The following ADAM8 variants were observed in gnomAD, a reference collection of about 807,000 sequenced individuals.
ADAM8 encodes the protein ADAM metallopeptidase domain 8, also known as disintegrin and metalloproteinase domain-containing protein 8.
A neutral mutation model predicts 102.4 loss-of-function variants in ADAM8; 104 were observed. The ratio of observed to expected loss-of-function variants is 1.02; its 90% CI spans 0.87 to 1.20. The LOEUF (loss-of-function observed/expected upper bound fraction) is 1.20, where lower values mean the gene tolerates loss of function less well. ADAM8 is among the 50% of genes most tolerant of loss of function. ADAM8 has a pLI of 0.00. For missense variants in ADAM8, 1,132 were observed against 1,159.0 expected (o/e 0.98, Z 0.34); for synonymous variants, 517 against 485.2 (o/e 1.07, Z -0.86).
intron 21 of ADAM8, among the ~76,000 whole-genome samples, chr10:133,266,363 T>C (rs985994253): frequency 1.3e-5 from 2 of 152,166 alleles, no homozygotes; most frequent in African/African-American, 4.8e-5. Flanking sequence ...CAGGATTCTC[T>C]AGGCTATTTT....
intron 19 of ADAM8, 77 bp downstream of exon 19, chr10:133,268,671 T>TGCTGGGCACTCCTTCCTCTGGCA: frequency 1.4e-6 from 2 of 1,477,118 alleles, no homozygotes; most frequent in Non-Finnish European, 1.8e-6. Flanking sequence ...CATGGGCCCG[T>TGCTGGGCACTCCTTCCTCTGGCA]GCTGGGCACT....
chr10:133,266,257 G>A (rs1295040274), intron 21 of ADAM8, among the ~76,000 whole-genome samples: 1 of 152,138 alleles, frequency 6.6e-6, no homozygotes, highest in Non-Finnish European at 1.5e-5. Flanking sequence ...CGTCCAGAGG[G>A]AGCAGGCGGT....
rs1335381018 is a variant in ADAM8, at chr10:133,268,809, C to G, written c.2002G>C (p.Val668Leu). The G allele has an allele frequency of 1.2e-5, 19 of 1,610,560 alleles. No individual in the cohort carries two copies. Among genetic ancestry groups the G allele is most frequent in the Admixed American group, 5.0e-5 (3 of 59,992 alleles). Residue 668 changes from valine (V) to leucine (L), a missense_variant, in exon 19 of 23, where the codon GTG (valine) becomes CTG (leucine). Val to Leu is a conservative substitution (Grantham distance 32). Coordinates refer to ENST00000445355, the MANE Select transcript of ADAM8 (RefSeq NM_001109.5). Reference protein sequence around the residue: ...VVVVLVLLAVVLVTLAGIIVY... With the variant: ...VVVVLVLLAVLLVTLAGIIVY... ...ATGATGCCTGCCAGGGTGACCAGCA[C>G]AACTGCCAGGAGCACCAGAACCACC...
At chr10:133,266,279 C>T (rs1008768453) in intron 21 of ADAM8, among the ~76,000 whole-genome samples, 3 of 152,240 alleles carry the variant, frequency 2.0e-5, no homozygotes, top group East Asian at 3.9e-4. Context: ...CTGACTGGGT[C>T]GCATTGGTGA....
rs368815806 is a variant in ADAM8, at chr10:133,270,444, G to C, written c.1701C>G (p.Ile567Met). Residue 567 changes from isoleucine to methionine, a missense_variant, in exon 16 of 23, where the codon ATC becomes ATG. By Grantham distance (10) the Ile-to-Met change is conservative. Transcript: ENST00000445355. ...GQQPLGRAICIVDVCHALTTE... is the reference protein window; with the variant it reads ...GQQPLGRAICMVDVCHALTTE... Reference sequence around the variant, plus strand: ...TGGTGAGCGCGTGGCACACATCCACGATGCAGATGGCACGCCCCAGGGGCT... The same window carrying C: ...TGGTGAGCGCGTGGCACACATCCACCATGCAGATGGCACGCCCCAGGGGCT... 1.2e-6 allele frequency: 2 copies of C among 1,606,190 alleles called. No homozygotes were observed.
intron 18 of ADAM8, 31 bp downstream of exon 18, chr10:133,269,414 A>T (rs1354617680): frequency 6.7e-7 from 1 of 1,490,624 alleles, no homozygotes; most frequent in African/African-American, 1.4e-5. Flanking sequence ...CTTGGACCCC[A>T]GCCCCACCTG....
At chr10:133,263,609 A>AGCCCCGTGGGGAGGCC in intron 22 of ADAM8, 79 bp downstream of exon 22, 1 of 64,794 alleles carries the variant, frequency 1.5e-5, no homozygotes, top group Non-Finnish European at 2.4e-5. Context: ...CCTCCAGGGC[A>AGCCCCGTGGGGAGGCC]GTGCCACCGT....
intron 16 of ADAM8, 144 bp downstream of exon 16, chr10:133,270,216 C>A: frequency 8.2e-7 from 1 of 1,224,888 alleles, no homozygotes; most frequent in South Asian, 1.5e-5. Flanking sequence ...CCCCGGAAAC[C>A]TTTCAGTCTC....
chr10:133,269,670 G>C (rs377040348), intron 17 of ADAM8, 141 bp from the exon 18 acceptor site: 179 of 963,356 alleles, frequency 1.9e-4, no homozygotes, highest in Non-Finnish European at 2.6e-4. Context: ...CGACGGCGAG[G>C]CCTCTCCATG....
rs769181696 is a variant in ADAM8, at chr10:133,268,100, G to A, written c.2082C>T (p.Thr694=). 9 of 1,273,050 alleles carry A rather than the reference G, an allele frequency of 7.1e-6. No individual in the cohort carries two copies. In the South Asian group the frequency reaches 2.6e-4, roughly 37 times the overall value. The allele number at this position is 1,273,050 out of a possible 1,614,324, so 78.9% of individuals were successfully genotyped here. The part of the protein sequence containing the change: ...RILSRNVAPK[T]TMGRSNPLFH... ...ACAGGGGGTTGGAGCGCCCCATTGT[G>A]GTCTTGGGAGCCACGTTCCTGGGGA... Residue 694 remains threonine, a synonymous_variant, in exon 20 of 23, where the codon ACC becomes ACT. Transcript: ENST00000445355.
intron 21 of ADAM8, among the ~76,000 whole-genome samples, chr10:133,265,188 C>T: frequency 7.2e-6 from 1 of 139,846 alleles, no homozygotes; most frequent in Non-Finnish European, 1.5e-5. Flanking sequence ...CCACGCCCAG[C>T]TCCTGCTGCA....
At chr10:133,276,111 C>T (rs1846742156) in intron 1 of ADAM8, 1 of 154,978 alleles carries the variant, frequency 6.5e-6, no homozygotes. Flanking sequence ...GTTTCGGAGA[C>T]CACCAACCCC....
rs1442016740 is a variant in ADAM8, at chr10:133,275,500, G to A, written c.134C>T (p.Ala45Val). The change falls in exon 2 of 23, where the codon GCT (alanine) becomes GTT (valine). Residue 45 changes from alanine (A) to valine (V), a missense_variant. Transcript: ENST00000445355. ...WRLPGPRVRR[A>V]LPSHLGLHPE... ...TAGACTCACCAAGTGGGAGGGCAGAGCTCGGCGGACTCGGGGGCCTGGCAG... is the reference window on the plus strand; with the variant it reads ...TAGACTCACCAAGTGGGAGGGCAGAACTCGGCGGACTCGGGGGCCTGGCAG... The A allele has an allele frequency of 1.3e-6, 2 of 1,535,204 alleles. No individual in the cohort carries two copies. The highest frequency in any genetic ancestry group is 1.8e-6 in the Non-Finnish European group (2 of 1,141,194).
rs756699884 is a variant in ADAM8, at chr10:133,263,739, T to A, written c.2346A>T (p.Pro782=). 1 of 1,532,976 alleles carries A rather than the reference T, an allele frequency of 6.5e-7. No individual in the cohort carries two copies. Among genetic ancestry groups the A allele is most frequent in the East Asian group, 2.5e-5 (1 of 40,120 alleles). 95.0% of individuals were successfully genotyped at this position (1,532,976 alleles called of 1,614,324 possible). A position where few individuals can be genotyped will look rare whatever the true frequency, so the allele number is the denominator to read the frequency against. The change falls in exon 22 of 23, where the codon CCA becomes CCT. Residue 782 remains proline, a synonymous_variant. Transcript: ENST00000445355. ...CAGCCCCGGGTTTGACTGGGGGCAC[T>A]GGGGGTGCGAACGTTGGCTTGATGA... ...KQVIKPTFAP[P]VPPVKPGAGA...
At position 133,276,777 on chromosome 10, in the gene ADAM8, A is replaced by G; in HGVS notation, c.41T>C (p.Leu14Pro). The change falls in exon 1 of 23, where the codon CTG becomes CCG. Residue 14 changes from leucine (L) to proline (P), a missense_variant. Coordinates refer to ENST00000445355, the MANE Select transcript of ADAM8 (RefSeq NM_001109.5). ...GGTTCCCTGGAACCACTCACCAGGC[A>G]GCATCATCGCGCCCAGCAGCCAGAG... ...LGLWLLGAMM[L>P]PAIAPSRPWA... The G allele has an allele frequency of 6.5e-7, 1 of 1,534,028 alleles. No homozygotes were observed.
At chr10:133,273,637 G>T in intron 5 of ADAM8, 125 bp downstream of exon 5, 1 of 1,314,088 alleles carries the variant, frequency 7.6e-7, no homozygotes, top group Non-Finnish European at 1.0e-6. Flanking sequence ...AGACCCCCAT[G>T]CAAGACAGCA....
rs1211950491 is a variant in ADAM8, at chr10:133,276,765, C to A, written c.46+7G>T. ...TGCGCCCGGGACGGTTCCCTGGAAC[C>A]ACTCACCAGGCAGCATCATCGCGCC... On this transcript the variant is annotated splice_region_variant and intron_variant, in intron 1 of 22. Transcript: ENST00000445355. 4 of 1,533,936 alleles carry A rather than the reference C, an allele frequency of 2.6e-6. No homozygotes were observed. The highest frequency in any genetic ancestry group is 3.5e-6 in the Non-Finnish European group (4 of 1,142,632).
At position 133,271,567 on chromosome 10, in the gene ADAM8, A is replaced by C; in HGVS notation, c.1245T>G (p.Phe415Leu). The change falls in exon 12 of 23, where the codon TTT becomes TTG. Residue 415 changes from phenylalanine (F) to leucine (L), a missense_variant. Coordinates refer to ENST00000445355, the MANE Select transcript of ADAM8 (RefSeq NM_001109.5). ...AGTCGCACTGCTCCCCACGCTCCAC[A>C]AACAGGTTCCCACACACGGGGCCGC... Reference protein sequence around the residue: ...LVGGPVCGNLFVERGEQCDCG... With the variant: ...LVGGPVCGNLLVERGEQCDCG... 3 of 1,560,348 alleles carry C rather than the reference A, an allele frequency of 1.9e-6. No individual in the cohort carries two copies. The highest frequency in any genetic ancestry group is 2.6e-6 in the Non-Finnish European group (3 of 1,152,358).
rs61733287 is a variant in ADAM8, at chr10:133,263,747, C to T, written c.2338G>A (p.Ala780Thr). 3.8e-4 allele frequency: 600 copies of T among 1,569,702 alleles called. 1 individual carries two copies. In the African/African-American group the frequency reaches 7.1e-3, roughly 19 times the overall value. ...APKQVIKPTFAPPVPPVKPGA... is the reference protein window; with the variant it reads ...APKQVIKPTFTPPVPPVKPGA... ...GGTTTGACTGGGGGCACTGGGGGTG[C>T]GAACGTTGGCTTGATGACCTGGGAG... Residue 780 changes from alanine to threonine, a missense_variant, in exon 22 of 23, where the codon GCA becomes ACA. Ala to Thr is a moderately conservative substitution (Grantham distance 58). Coordinates refer to ENST00000445355, the MANE Select transcript of ADAM8 (RefSeq NM_001109.5).
Sources: gnomAD v4.1 joint callset for allele counts (sites outside exome capture counted in the v4.1 genomes callset) on GRCh38, gnomAD v4.1.1 for gene constraint, MANE v1.5 for transcripts, NCBI Gene and HGNC (gene_info 2026-07-23, HGNC 2026-07-21) for gene names.